Variants in MDFIC2 observed in about 807,000 individuals in gnomAD.
MDFIC2 encodes the protein myoD family inhibitor domain-containing protein 2.
chr3:70,236,911 A>G (rs1230465401), intron 2 of MDFIC2, among the ~76,000 whole-genome samples: 1 of 152,182 alleles, frequency 6.6e-6, no homozygotes, highest in Admixed American at 6.5e-5. Flanking sequence ...ACCTTTATTT[A>G]TGTAAAAAAT....
intron 2 of MDFIC2, among the ~76,000 whole-genome samples, chr3:70,301,105 G>T (rs1702344275): frequency 1.3e-5 from 2 of 152,016 alleles, no homozygotes; most frequent in Non-Finnish European, 2.9e-5. Context: ...AAGAGGCTGG[G>T]TGATAAAGAT....
chr3:70,281,027 T>A (rs1292275127), intron 2 of MDFIC2, among the ~76,000 whole-genome samples: 1 of 152,216 alleles, frequency 6.6e-6, no homozygotes, highest in African/African-American at 2.4e-5. Context: ...ATTTCCTTTG[T>A]ATCTTTGGGT....
rs1206031003 is a variant in MDFIC2, at chr3:70,257,631, G to C, written c.89-50841C>G. Among the ~76,000 whole-genome samples, 21 of 152,150 alleles carry C rather than the reference G, an allele frequency of 1.4e-4. 1 individual carries two copies. Among genetic ancestry groups the C allele is most frequent in the African/African-American group, 2.4e-5 (1 of 41,438 alleles). On this transcript the variant is annotated intron_variant, in intron 2 of 3. Coordinates refer to ENST00000567252, the MANE Select transcript of MDFIC2 (RefSeq NM_001364677.1). ...TATATGTGAGGCCTGAACACTAAAA[G>C]CTATGAAACATTGCTTAGAGAAGTT...
At chr3:70,238,890 A>G (rs1292349020) in intron 2 of MDFIC2, among the ~76,000 whole-genome samples, 2 of 152,008 alleles carry the variant, frequency 1.3e-5, no homozygotes, top group Non-Finnish European at 2.9e-5. Flanking sequence ...ATTTCTTCTG[A>G]CTCTATTTTC....
In MDFIC2 at chr3:70,268,296, C is replaced by T. The variant is rs543059658; in HGVS notation, c.88+43590G>A. 3.9e-5 allele frequency among the ~76,000 whole-genome samples: 6 copies of T among 152,082 alleles called. No individual in the cohort carries two copies. In the South Asian group the frequency reaches 6.2e-4, roughly 16 times the overall value. On this transcript the variant is annotated intron_variant, in intron 2 of 3. Coordinates refer to ENST00000567252, the MANE Select transcript of MDFIC2 (RefSeq NM_001364677.1). ...GACCAGCCTGGACAGCACGGAGAAA[C>T]ACCCACCGTCTGTACTAAAATACAA... is the stretch of plus-strand genomic sequence containing the variant.
chr3:70,252,406 T>A (rs1701778342), intron 2 of MDFIC2, among the ~76,000 whole-genome samples: 1 of 152,112 alleles, frequency 6.6e-6, no homozygotes, highest in Non-Finnish European at 1.5e-5. Flanking sequence ...GGGGAGTGGG[T>A]CTTAACTGAG....
chr3:70,273,709 A>T (rs777025547), intron 2 of MDFIC2, among the ~76,000 whole-genome samples: 2 of 152,266 alleles, frequency 1.3e-5, no homozygotes, highest in Non-Finnish European at 2.9e-5. Flanking sequence ...ACTGGCAGGC[A>T]TTACTAATCA....
intron 2 of MDFIC2, among the ~76,000 whole-genome samples, chr3:70,251,324 G>T (rs12486303): frequency 0.042 from 6,320 of 152,220 alleles, 255 homozygotes; most frequent in East Asian, 0.14. Context: ...GCAGTCTTCA[G>T]TCTTCATTTT....
intron 3 of MDFIC2, among the ~76,000 whole-genome samples, chr3:70,201,082 G>A (rs1701233260): frequency 6.6e-6 from 1 of 151,688 alleles, no homozygotes; most frequent in South Asian, 2.1e-4. Context: ...CAGGGGTCAT[G>A]TGCTGGTTTG....
chr3:70,289,832 T>C (rs1305386276), intron 2 of MDFIC2, among the ~76,000 whole-genome samples: 2 of 152,088 alleles, frequency 1.3e-5, no homozygotes, highest in Non-Finnish European at 2.9e-5. Flanking sequence ...GCTGATACCC[T>C]TTCTTCCAGT....
chr3:70,210,351 C>T (rs1701331244), intron 2 of MDFIC2, among the ~76,000 whole-genome samples: 1 of 151,956 alleles, frequency 6.6e-6, no homozygotes, highest in African/African-American at 2.4e-5. Context: ...TTTTCTCATT[C>T]CTCAGTGGGA....
chr3:70,224,737 A>G (rs946207753), intron 2 of MDFIC2, among the ~76,000 whole-genome samples: 16 of 152,028 alleles, frequency 1.1e-4, no homozygotes, highest in Admixed American at 2.0e-4. Flanking sequence ...TAATTCATTT[A>G]ACCATTGCGC....
intron 2 of MDFIC2, among the ~76,000 whole-genome samples, chr3:70,304,758 C>A (rs1287298628): frequency 1.3e-5 from 2 of 152,182 alleles, no homozygotes; most frequent in Non-Finnish European, 2.9e-5. Context: ...ATATAAATGA[C>A]TGCATATGTT....
At chr3:70,234,621 C>A (rs1371737542) in intron 2 of MDFIC2, among the ~76,000 whole-genome samples, 2 of 150,646 alleles carry the variant, frequency 1.3e-5, no homozygotes, top group Non-Finnish European at 2.9e-5. Context: ...GCCTGGGTGA[C>A]CAAGTGAGAC....
At chr3:70,297,224 G>A (rs1702299855) in intron 2 of MDFIC2, among the ~76,000 whole-genome samples, 1 of 151,972 alleles carries the variant, frequency 6.6e-6, no homozygotes, top group African/African-American at 2.4e-5. Context: ...CTAGCTCTTG[G>A]TAATTAGTTA....
chr3:70,299,851 C>T (rs928269862), intron 2 of MDFIC2, among the ~76,000 whole-genome samples: 5 of 152,068 alleles, frequency 3.3e-5, no homozygotes, highest in Non-Finnish European at 5.9e-5. Flanking sequence ...TGTTTAATAA[C>T]ATTCAGTTTA....
intron 2 of MDFIC2, among the ~76,000 whole-genome samples, chr3:70,279,415 C>T (rs956610849): frequency 6.6e-6 from 1 of 152,046 alleles, no homozygotes; most frequent in Non-Finnish European, 1.5e-5. Context: ...GTCAGAAAGA[C>T]CTCTGGACTT....
At chr3:70,241,623 G>A (rs1434452242) in intron 2 of MDFIC2, among the ~76,000 whole-genome samples, 1 of 152,034 alleles carries the variant, frequency 6.6e-6, no homozygotes, top group East Asian at 1.9e-4. Context: ...CTAAGTACCT[G>A]ACCCAAGTTC....
At chr3:70,210,402 A>G (rs1701331769) in intron 2 of MDFIC2, among the ~76,000 whole-genome samples, 1 of 152,084 alleles carries the variant, frequency 6.6e-6, no homozygotes, top group South Asian at 2.1e-4. Flanking sequence ...ACATACACAC[A>G]TTTGAGAACC....
Sources: allele counts gnomAD v4.1 joint callset (sites outside exome capture counted in the v4.1 genomes callset), GRCh38; gene constraint gnomAD v4.1.1; transcripts MANE v1.5; gene names NCBI Gene and HGNC (gene_info 2026-07-23, HGNC 2026-07-21).